AASS: variants seen among roughly 807,000 people sequenced by gnomAD.
The protein encoded by AASS is alpha-aminoadipic semialdehyde synthase, mitochondrial.
In AASS, 86 loss-of-function variants were observed where a neutral mutation model predicts 105.4. That is an observed-to-expected ratio of 0.82 (90% CI 0.69 to 0.98). The LOEUF is 0.98. Ranked by LOEUF, AASS falls within the 50% of genes least tolerant of loss-of-function variation. AASS has a pLI of 0.00. For missense variants in AASS, 1,048 were observed against 1,143.2 expected (o/e 0.92, Z 1.20); for synonymous variants, 381 against 394.8 (o/e 0.96, Z 0.41).
Position 122,093,165 on chromosome 7 carries a change from A to C in AASS, c.1656-7T>G. On this transcript the variant is annotated splice_region_variant and splice_polypyrimidine_tract_variant and intron_variant, in intron 15 of 23. Coordinates refer to ENST00000417368, the MANE Select transcript of AASS (RefSeq NM_005763.4). ...CAATACATAAGGCAACAAGCTTGAAAACAGGAAGAAACTAATCAGAAACTC... is the reference window on the plus strand; with the variant it reads ...CAATACATAAGGCAACAAGCTTGAACACAGGAAGAAACTAATCAGAAACTC... The C allele has an allele frequency of 1.3e-6, 2 of 1,593,146 alleles. No individual in the cohort carries two copies. Among genetic ancestry groups the C allele is most frequent in the South Asian group, 2.2e-5 (2 of 90,616 alleles).
In AASS at chr7:122,086,132, G is replaced by A. The variant is rs1335275565; in HGVS notation, c.2064C>T (p.Ser688=). Residue 688 remains serine, a synonymous_variant, in exon 19 of 24, where the codon TCC becomes TCT. Transcript: ENST00000417368. ...GGISFLDAVT[S]MDFFPGLNLE... is the part of the protein sequence containing the mutation. The stretch of plus-strand genomic sequence containing the variant: ...AATTTAATCCTGGAAAAAAATCCAT[G>A]GACGTAACGGCATCAAGAAAGGAGA... 6.2e-7 allele frequency: 1 copy of A among 1,613,448 alleles called. No homozygotes were observed. Among genetic ancestry groups the A allele is most frequent in the Non-Finnish European group, 8.5e-7 (1 of 1,179,764 alleles).
intron 1 of AASS, among the ~76,000 whole-genome samples, chr7:122,137,966 GA>G (rs909574476): frequency 1.3e-5 from 2 of 151,964 alleles, no homozygotes; most frequent in East Asian, 1.9e-4. Flanking sequence ...CAGAGAGGGG[GA>G]AAAAAAGAGC....
chr7:122,127,261 C>A (rs1223834450), intron 3 of AASS, among the ~76,000 whole-genome samples: 1 of 152,088 alleles, frequency 6.6e-6, no homozygotes, highest in Non-Finnish European at 1.5e-5. Flanking sequence ...AAAACCTTTC[C>A]TCTCTCAGGA....
intron 3 of AASS, 66 bp downstream of exon 3, chr7:122,129,295 T>A: frequency 9.2e-7 from 1 of 1,083,490 alleles, no homozygotes; most frequent in Non-Finnish European, 1.3e-6. Context: ...AAACTCCATT[T>A]GGGGGTTAAA....
chr7:122,101,101 GAC>G (rs1794406065), intron 13 of AASS, among the ~76,000 whole-genome samples: 1 of 151,746 alleles, frequency 6.6e-6, no homozygotes, highest in Non-Finnish European at 1.5e-5. Flanking sequence ...CTACCTGAAG[GAC>G]AATCCTTTTG....
chr7:122,084,141 T>C (rs1033351187), intron 19 of AASS, among the ~76,000 whole-genome samples: 5 of 151,862 alleles, frequency 3.3e-5, no homozygotes, highest in Admixed American at 3.3e-4. Context: ...TTGAAGAAAA[T>C]AGATCAAGAA....
chr7:122,081,572 T>A lies in AASS; in HGVS notation c.2208A>T (p.Gly736=), dbSNP rs746871208. 1.9e-6 allele frequency: 3 copies of A among 1,613,538 alleles called. No individual in the cohort carries two copies. Among genetic ancestry groups the A allele is most frequent in the Non-Finnish European group, 2.5e-6 (3 of 1,179,656 alleles). The change falls in exon 20 of 24, where the codon GGA becomes GGT. Residue 736 remains glycine (G), a synonymous_variant. Transcript: ENST00000417368. ...RYKGYMKALN[G]FVKLGLINRE... ...TGTTTATAAGACCTAATTTTACAAA[T>A]CCATTCAAAGCTTTCATATATCCCT...
chr7:122,104,892 T>G (rs906038387), intron 11 of AASS, among the ~76,000 whole-genome samples: 1 of 151,832 alleles, frequency 6.6e-6, no homozygotes, highest in Non-Finnish European at 1.5e-5. Context: ...AATTTACTCA[T>G]GTAATAAAAC....
At chr7:122,104,523 G>C (rs1033777166) in intron 11 of AASS, among the ~76,000 whole-genome samples, 56 of 152,086 alleles carry the variant, frequency 3.7e-4, no homozygotes, top group African/African-American at 1.1e-3. Flanking sequence ...TTGAACCCAG[G>C]AGGCAGAGGT....
At chr7:122,106,707 A>G (rs573563097) in intron 11 of AASS, among the ~76,000 whole-genome samples, 1 of 152,186 alleles carries the variant, frequency 6.6e-6, no homozygotes, top group African/African-American at 2.4e-5. Context: ...AGCTATATGC[A>G]GAAGATTAAA....
At chr7:122,082,215 A>G (rs985517774) in intron 19 of AASS, among the ~76,000 whole-genome samples, 1 of 152,172 alleles carries the variant, frequency 6.6e-6, no homozygotes, top group African/African-American at 2.4e-5. Context: ...CATTGTCTAC[A>G]AAGCAAACCT....
intron 18 of AASS, among the ~76,000 whole-genome samples, chr7:122,087,752 A>G (rs1350731416): frequency 2.0e-5 from 3 of 152,202 alleles, no homozygotes; most frequent in Non-Finnish European, 4.4e-5. Context: ...TCTCATTTCT[A>G]TAACCCATGA....
intron 1 of AASS, among the ~76,000 whole-genome samples, chr7:122,140,467 C>CAGAGCG (rs1452456520): frequency 1.2e-5 from 1 of 80,092 alleles, no homozygotes; most frequent in African/African-American, 5.6e-5. Context: ...GCCTGGGCGA[C>CAGAGCG]AGAGCGAGAC....
At chr7:122,094,880 T>C (rs1725067) in intron 15 of AASS, among the ~76,000 whole-genome samples, 15,706 of 151,836 alleles carry the variant, frequency 0.1, 1,141 homozygotes, top group African/African-American at 0.2. Context: ...CTTGACCTAG[T>C]TTGACACTTC....
In AASS at chr7:122,115,178, T is replaced by C. The variant is rs1795109339; in HGVS notation, c.939A>G (p.Glu313=). The C allele has an allele frequency of 1.2e-6, 2 of 1,614,026 alleles. No individual in the cohort carries two copies. The highest frequency in any genetic ancestry group is 1.3e-5 in the African/African-American group (1 of 74,936). The change falls in exon 9 of 24, where the codon GAA becomes GAG. Residue 313 remains glutamate, a synonymous_variant. Transcript: ENST00000417368. ...GGGTTAGGAGGCGAGGAGTGTTTTG[T>C]TCCCAGTAGATTCCATTAATTAAGC... ...TTCLINGIYW[E]QNTPRLLTRQ...
chr7:122,114,672 CAA>C (rs747585041), intron 9 of AASS, among the ~76,000 whole-genome samples: 2 of 152,006 alleles, frequency 1.3e-5, no homozygotes, highest in Non-Finnish European at 2.9e-5. Flanking sequence ...AATGGAGAAA[CAA>C]GAGAAGACTT....
intron 21 of AASS, 64 bp from the exon 22 acceptor site, chr7:122,079,014 A>G (rs1308717915): frequency 6.2e-7 from 1 of 1,613,196 alleles, no homozygotes; most frequent in Non-Finnish European, 8.5e-7. Context: ...TTGGGAAGCA[A>G]AAGGGAGCTC....
chr7:122,085,722 G>T (rs901016562), intron 19 of AASS, among the ~76,000 whole-genome samples: 1 of 152,068 alleles, frequency 6.6e-6, no homozygotes, highest in Non-Finnish European at 1.5e-5. Flanking sequence ...GTGAATACTG[G>T]AAAGAAGAGC....
Position 122,118,411 on chromosome 7 carries a change from C to T in AASS, c.583G>A (p.Val195Met). 6.2e-7 allele frequency: 1 copy of T among 1,614,190 alleles called. No homozygotes were observed. The highest frequency in any genetic ancestry group is 1.7e-5 in the Admixed American group (1 of 60,016). ...TAGCCAGCATCACGGACAGCTTGCACAGCCTGACTGCTATTCCTGTAGTTA... is the reference window on the plus strand; with the variant it reads ...TAGCCAGCATCACGGACAGCTTGCATAGCCTGACTGCTATTCCTGTAGTTA... ...AHNYRNSSQAVQAVRDAGYEI... is the reference protein window; with the variant it reads ...AHNYRNSSQAMQAVRDAGYEI... The change falls in exon 6 of 24, where the codon GTG becomes ATG. Residue 195 changes from valine (V) to methionine (M), a missense_variant. Coordinates refer to ENST00000417368, the MANE Select transcript of AASS (RefSeq NM_005763.4).
Sources: allele counts gnomAD v4.1 joint callset (sites outside exome capture counted in the v4.1 genomes callset), GRCh38; gene constraint gnomAD v4.1.1; transcripts MANE v1.5; gene names NCBI Gene and HGNC (gene_info 2026-07-23, HGNC 2026-07-21).